Variants in GOLM1 observed in about 807,000 individuals in gnomAD.
GOLM1 encodes the protein golgi membrane protein 1.
GOLM1 carries 31 observed loss-of-function variants against 50.5 expected under a neutral mutation model. That is an observed-to-expected ratio of 0.61 (90% CI 0.46 to 0.83). The LOEUF (loss-of-function observed/expected upper bound fraction) is 0.83, where lower values mean the gene tolerates loss of function less well. GOLM1 is among the 40% of genes least tolerant of loss of function. The pLI is 0.00. For missense variants in GOLM1, 491 were observed against 501.3 expected, an observed-to-expected ratio of 0.98 and a Z score of 0.20; for synonymous variants, 178 against 192.8, an observed-to-expected ratio of 0.92 and a Z score of 0.64.
chr9:86,087,395 G>GGACCATAT (rs746544466), intron 1 of GOLM1, among the ~76,000 whole-genome samples: 1 of 152,130 alleles, frequency 6.6e-6, no homozygotes, highest in Non-Finnish European at 1.5e-5. Flanking sequence ...CTGCAAACAG[G>GGACCATAT]GATCATATGA....
intron 6 of GOLM1, among the ~76,000 whole-genome samples, chr9:86,037,930 T>C (rs1833199684): frequency 6.6e-6 from 1 of 151,872 alleles, no homozygotes; most frequent in South Asian, 2.1e-4. Context: ...TGAGACGGGC[T>C]GATCACCTGA....
chr9:86,083,650 A>T (rs1834855585), intron 1 of GOLM1, among the ~76,000 whole-genome samples: 1 of 152,204 alleles, frequency 6.6e-6, no homozygotes, highest in Admixed American at 6.5e-5. Context: ...GGCCTCCCAA[A>T]GTGCTGGGAT....
intron 5 of GOLM1, 94 bp downstream of exon 5, chr9:86,046,376 T>G: frequency 1.3e-6 from 1 of 754,838 alleles, no homozygotes; most frequent in Non-Finnish European, 2.4e-6. Context: ...GAGCAGAAGG[T>G]GCATGCTCTA....
chr9:86,045,933 T>C (rs920094868), intron 5 of GOLM1, among the ~76,000 whole-genome samples: 17 of 152,164 alleles, frequency 1.1e-4, no homozygotes, highest in Non-Finnish European at 2.1e-4. Context: ...CACAACTTTA[T>C]CCTCTGGCTT....
rs201364771 is a variant in GOLM1, at chr9:86,095,237, C to CT, written c.-22+4173dup. Among the ~76,000 whole-genome samples the CT allele has an allele frequency of 1.2e-3, 183 of 150,466 alleles. 1 individual carries two copies. In the East Asian group the frequency reaches 0.023, roughly 19 times the overall value. ...TAAGAATAGTTTTTACATTTTTTTTCTTTTTTTTTGAGACGAAGTCTTGCT... is the reference window on the plus strand; with the variant it reads ...TAAGAATAGTTTTTACATTTTTTTTCTTTTTTTTTTGAGACGAAGTCTTGCT... On this transcript the variant is annotated intron_variant, in intron 1 of 9. Transcript: ENST00000388712.
chr9:86,037,202 G>A, intron 6 of GOLM1, among the ~76,000 whole-genome samples: 1 of 152,178 alleles, frequency 6.6e-6, no homozygotes, highest in East Asian at 1.9e-4. Flanking sequence ...ATCACCAGAG[G>A]TCAGAAGTTT....
intron 4 of GOLM1, among the ~76,000 whole-genome samples, chr9:86,048,150 T>TG (rs1287920783): frequency 6.6e-6 from 1 of 151,840 alleles, no homozygotes; most frequent in Non-Finnish European, 1.5e-5. Context: ...TGTGATAGTT[T>TG]GCTCAGAATG....
At chr9:86,055,822 G>A (rs1052163454) in intron 3 of GOLM1, among the ~76,000 whole-genome samples, 1 of 152,106 alleles carries the variant, frequency 6.6e-6, no homozygotes, top group Non-Finnish European at 1.5e-5. Flanking sequence ...AGTGAGCATC[G>A]AGACCCAGGG....
At chr9:86,063,397 G>C (rs909619339) in intron 3 of GOLM1, among the ~76,000 whole-genome samples, 1 of 152,160 alleles carries the variant, frequency 6.6e-6, no homozygotes. Context: ...TCCCACCTGC[G>C]GAAGAGGAGA....
intron 6 of GOLM1, 185 bp from the exon 7 acceptor site, chr9:86,036,692 G>C (rs987209417): frequency 4.9e-6 from 3 of 614,554 alleles, no homozygotes; most frequent in Non-Finnish European, 5.6e-6. Flanking sequence ...GAAGACAAGA[G>C]GTTGAGTCAA....
intron 9 of GOLM1, among the ~76,000 whole-genome samples, chr9:86,032,192 A>AT (rs1833007909): frequency 6.6e-6 from 1 of 151,912 alleles, no homozygotes; most frequent in Non-Finnish European, 1.5e-5. Flanking sequence ...GTTGAGATGG[A>AT]TTTTCACTCT....
At chr9:86,063,347 G>C (rs1834214978) in intron 3 of GOLM1, among the ~76,000 whole-genome samples, 1 of 152,194 alleles carries the variant, frequency 6.6e-6, no homozygotes, top group Non-Finnish European at 1.5e-5. Context: ...GGGCACTGGG[G>C]GTTTCCATTT....
chr9:86,061,456 T>C (rs1441070996), intron 3 of GOLM1, among the ~76,000 whole-genome samples: 3 of 152,068 alleles, frequency 2.0e-5, no homozygotes. Flanking sequence ...CTATGACAAA[T>C]GGCCTTCGAA....
chr9:86,038,378 C>T (rs746984189), intron 6 of GOLM1, among the ~76,000 whole-genome samples: 2 of 152,056 alleles, frequency 1.3e-5, no homozygotes, highest in Non-Finnish European at 1.5e-5. Context: ...TTAACCAGGC[C>T]GGCCCTCACG....
intron 1 of GOLM1, among the ~76,000 whole-genome samples, chr9:86,089,144 C>G (rs1479092520): frequency 2.0e-5 from 3 of 152,190 alleles, no homozygotes; most frequent in Admixed American, 6.5e-5. Flanking sequence ...GTCTGATGGG[C>G]TTCCCTTTGT....
chr9:86,041,332 G>A (rs1264881622), intron 5 of GOLM1, among the ~76,000 whole-genome samples: 1 of 152,134 alleles, frequency 6.6e-6, no homozygotes, highest in Non-Finnish European at 1.5e-5. Flanking sequence ...GACTGCCAGA[G>A]GAACTAGCCA....
chr9:86,099,240 G>A (rs1381621092), intron 1 of GOLM1, among the ~76,000 whole-genome samples, 171 bp downstream of exon 1: 1 of 151,892 alleles, frequency 6.6e-6, no homozygotes, highest in African/African-American at 2.4e-5. Context: ...AGGAAGGTGC[G>A]GAGCCAGCCC....
At chr9:86,031,457 T>G (rs945022353) in intron 9 of GOLM1, among the ~76,000 whole-genome samples, 3 of 142,264 alleles carry the variant, frequency 2.1e-5, no homozygotes, top group Non-Finnish European at 4.6e-5. Context: ...AGGTTTTTTT[T>G]TTTTTTTTTT....
At chr9:86,031,202 T>C (rs1335638115) in intron 9 of GOLM1, among the ~76,000 whole-genome samples, 1 of 149,832 alleles carries the variant, frequency 6.7e-6, no homozygotes, top group Non-Finnish European at 1.5e-5. Flanking sequence ...AGAGTGAGAC[T>C]CCATCTGAGG....
Sources: gnomAD v4.1 joint callset for allele counts (sites outside exome capture counted in the v4.1 genomes callset) on GRCh38, gnomAD v4.1.1 for gene constraint, MANE v1.5 for transcripts, NCBI Gene and HGNC (gene_info 2026-07-23, HGNC 2026-07-21) for gene names.